The following DPP8 variants were observed in gnomAD, a reference collection of about 807,000 sequenced individuals.
DPP8 encodes DPP VIII.
In DPP8, 31 loss-of-function variants were observed where a neutral mutation model predicts 107.5. The ratio of observed to expected loss-of-function variants is 0.29; its 90% confidence interval spans 0.22 to 0.39. DPP8 has a LOEUF of 0.39. Ranked by LOEUF, DPP8 falls within the 10% of genes least tolerant of loss-of-function variation. DPP8 has a pLI of 1.00. For missense variants in DPP8, 842 were observed against 1,076.1 expected (o/e 0.78, Z 3.04); for synonymous variants, 381 against 356.6 (o/e 1.07, Z -0.77).
chr15:65,506,656 A>G (rs900749624), intron 3 of DPP8, among the ~76,000 whole-genome samples: 1 of 148,832 alleles, frequency 6.7e-6, no homozygotes, highest in Non-Finnish European at 1.5e-5. Context: ...TAAAATATAT[A>G]AACATATAAA....
intron 5 of DPP8, among the ~76,000 whole-genome samples, chr15:65,497,375 A>G (rs2068715752): frequency 3.9e-5 from 6 of 152,024 alleles, no homozygotes; most frequent in Admixed American, 2.6e-4. Flanking sequence ...TCCTACCTCA[A>G]TCTCCCAGGT....
chr15:65,511,723 A>C (rs1392296933), intron 2 of DPP8, among the ~76,000 whole-genome samples: 2 of 51,384 alleles, frequency 3.9e-5, no homozygotes, highest in Non-Finnish European at 3.5e-5. Context: ...ACATACACAC[A>C]CCACACACAC....
intron 16 of DPP8, 78 bp from the exon 17 acceptor site, chr15:65,454,493 T>C (rs2064236551): frequency 3.0e-6 from 4 of 1,315,040 alleles, no homozygotes; most frequent in Admixed American, 2.6e-5. Flanking sequence ...ATGATAAATG[T>C]TTTTACTAAA....
At chr15:65,489,876 C>T (rs911138657) in intron 6 of DPP8, among the ~76,000 whole-genome samples, 1 of 151,984 alleles carries the variant, frequency 6.6e-6, no homozygotes, top group Non-Finnish European at 1.5e-5. Flanking sequence ...TGCTACCATG[C>T]CCGGCTAATT....
In DPP8 at chr15:65,443,152, CT is replaced by C. The variant is rs2063357665; in HGVS notation, c.*3731del. 1 of 152,082 alleles carries C rather than the reference CT, an allele frequency of 6.6e-6. No individual in the cohort carries two copies. Among genetic ancestry groups the C allele is most frequent in the Non-Finnish European group, 1.5e-5 (1 of 68,024 alleles). The allele number at this position is 152,082 out of a possible 1,614,324, so 9.4% of individuals were successfully genotyped here. A position where few individuals can be genotyped will look rare whatever the true frequency, so the allele number is the denominator to read the frequency against. ...AAATTAACCATTTTTATGTGGTTAC[CT>C]TTAAAATGTTTTATAGGAATATATT... On this transcript the variant is annotated 3_prime_UTR_variant, in exon 20 of 20. Transcript: ENST00000300141.
chr15:65,508,585 G>C (rs998181817), intron 2 of DPP8, among the ~76,000 whole-genome samples: 1 of 152,158 alleles, frequency 6.6e-6, no homozygotes, highest in African/African-American at 2.4e-5. Flanking sequence ...GGCCGAGGTG[G>C]CTCACACCTG....
At chr15:65,464,052 A>C (rs923626569) in intron 14 of DPP8, 146 bp from the exon 15 acceptor site, 1 of 627,206 alleles carries the variant, frequency 1.6e-6, no homozygotes, top group African/African-American at 1.9e-5. Flanking sequence ...AATTTAAGCA[A>C]GAGTATATTC....
Position 65,485,085 on chromosome 15 carries a change from C to G in DPP8, c.1017+14G>C, listed in dbSNP as rs755934211. On this transcript the variant is annotated intron_variant, in intron 8 of 19. Transcript: ENST00000300141. ...CAAATGACGCAGAAGGTCAACTCAG[C>G]ATTTTATACTTACCCTTCCTTCAGC... is the stretch of plus-strand genomic sequence containing the variant. 1.9e-6 allele frequency: 3 copies of G among 1,598,052 alleles called. No individual in the cohort carries two copies. In the African/African-American group the frequency reaches 4.0e-5, roughly 21 times the overall value.
At chr15:65,513,332 C>T (rs1033671689) in intron 1 of DPP8, among the ~76,000 whole-genome samples, 1 of 152,142 alleles carries the variant, frequency 6.6e-6, no homozygotes, top group African/African-American at 2.4e-5. Context: ...TCTGCCTTAG[C>T]CTCCCCAGTA....
intron 11 of DPP8, among the ~76,000 whole-genome samples, chr15:65,477,550 G>C (rs1182053070): frequency 7.6e-6 from 1 of 131,694 alleles, no homozygotes; most frequent in Non-Finnish European, 1.6e-5. Flanking sequence ...TTTTTTTTGA[G>C]ACAGAGTCTC....
At chr15:65,499,105 G>GTGTA (rs1555468189) in intron 4 of DPP8, among the ~76,000 whole-genome samples, 21,133 of 138,214 alleles carry the variant, frequency 0.15, 2,019 homozygotes, top group Non-Finnish European at 0.21. Context: ...GTGTGTGTGT[G>GTGTA]TATATATAAA....
At chr15:65,502,017 G>A (rs752174140) in intron 3 of DPP8, among the ~76,000 whole-genome samples, 5 of 152,142 alleles carry the variant, frequency 3.3e-5, no homozygotes, top group African/African-American at 1.2e-4. Flanking sequence ...AGCCTCCTGA[G>A]TAGGTGGGAT....
chr15:65,499,105 G>GTGTGTGTGTGTGTGTGTGTGTA (rs1555468189), intron 4 of DPP8, among the ~76,000 whole-genome samples: 105 of 138,808 alleles, frequency 7.6e-4, no homozygotes, highest in African/African-American at 2.7e-3. Context: ...GTGTGTGTGT[G>GTGTGTGTGTGTGTGTGTGTGTA]TATATATAAA....
chr15:65,451,826 G>T, intron 18 of DPP8, 134 bp downstream of exon 18: 2 of 857,026 alleles, frequency 2.3e-6, no homozygotes, highest in Non-Finnish European at 3.4e-6. Context: ...CTCGGGGGCT[G>T]AGGTGGGAGG....
chr15:65,516,174 T>C (rs933011685), intron 1 of DPP8: 87 of 174,082 alleles, frequency 5.0e-4, no homozygotes, highest in African/African-American at 2.0e-3. Context: ...CCTATTCCTG[T>C]TCCTCTTTTA....
intron 10 of DPP8, 71 bp from the exon 11 acceptor site, chr15:65,479,110 A>C: frequency 9.5e-7 from 1 of 1,051,290 alleles, no homozygotes; most frequent in Non-Finnish European, 1.3e-6. Context: ...GGCTACAGGA[A>C]AAATTTCTTG....
At chr15:65,487,564 G>T in intron 7 of DPP8, 126 bp downstream of exon 7, 1 of 865,214 alleles carries the variant, frequency 1.2e-6, no homozygotes. Flanking sequence ...GGTACTTAGT[G>T]AACAACCCGT....
In DPP8 at chr15:65,512,508, C is replaced by G. The variant is rs780626783; in HGVS notation, c.46G>C (p.Glu16Gln). The G allele has an allele frequency of 3.1e-6, 5 of 1,614,140 alleles. No individual in the cohort carries two copies. Among genetic ancestry groups the G allele is most frequent in the Non-Finnish European group, 4.2e-6 (5 of 1,180,032 alleles). Residue 16 changes from glutamate to glutamine, a missense_variant, in exon 2 of 20, where the codon GAA becomes CAA. Physicochemically the swap from Glu to Gln is conservative, Grantham distance 29. This residue lies in a region of DPP8 where 663 missense variants were observed against 758.0 expected (regional missense o/e 0.87). Transcript: ENST00000300141. ...ATATTCTCCTCACAGTCCGCAGTTT[C>G]AAATATCTCAACACCCAGCTGTTCT... is the stretch of plus-strand genomic sequence containing the variant. The part of the protein sequence containing the change: ...ETEQLGVEIF[E>Q]TADCEENIES...
rs1344807696 is a variant in DPP8, at chr15:65,446,284, CTGG to C, written c.*597_*599del. ...AGATACAGATTAAATTGGCTAAAAA[CTGG>C]TCAGTGCCAAAACAAGTGTCTTTAG... On this transcript the variant is annotated 3_prime_UTR_variant, in exon 20 of 20. Coordinates refer to ENST00000300141, the MANE Select transcript of DPP8 (RefSeq NM_130434.5). 6.6e-6 allele frequency: 1 copy of C among 152,240 alleles called. No individual in the cohort carries two copies. The highest frequency in any genetic ancestry group is 1.5e-5 in the Non-Finnish European group (1 of 68,008). The allele number at this position is 152,240 out of a possible 1,614,324, so 9.4% of individuals were successfully genotyped here. A position where few individuals can be genotyped will look rare whatever the true frequency, so the allele number is the denominator to read the frequency against.
Sources: allele counts gnomAD v4.1 joint callset (sites outside exome capture counted in the v4.1 genomes callset), GRCh38; gene constraint gnomAD v4.1.1; regional missense constraint gnomAD v4.1.1; transcripts MANE v1.5; gene names NCBI Gene and HGNC (gene_info 2026-07-23, HGNC 2026-07-21).